MROH9: variants seen among roughly 807,000 people sequenced by gnomAD.
The protein encoded by MROH9 is maestro heat like repeat family member 9.
Under a neutral mutation model 98.2 loss-of-function variants are expected in MROH9, and 92 were observed. That is an observed-to-expected ratio of 0.94 (90% confidence interval 0.79 to 1.11). MROH9 has a LOEUF of 1.11. Ranked by LOEUF, MROH9 falls within the 50% of genes most tolerant of loss-of-function variation. The pLI is 0.00. For missense variants in MROH9, 1,057 were observed against 1,014.8 expected, an observed-to-expected ratio of 1.04 and a Z score of -0.57; for synonymous variants, 397 against 368.9, an observed-to-expected ratio of 1.08 and a Z score of -0.87.
rs13375330 is a variant in MROH9, at chr1:171,063,215, T to C, written c.2345-884T>C. Among the ~76,000 whole-genome samples, 756 of 151,846 alleles carry C rather than the reference T, an allele frequency of 5.0e-3. 6 individuals are homozygous for C. The highest frequency in any genetic ancestry group is 0.017 in the African/African-American group (712 of 41,414). On this transcript the variant is annotated intron_variant, in intron 21 of 21. Transcript: ENST00000367759. ...TTTCTCACAGTCCACTATCTGGATA[T>C]AATGATATTAACATTTTGGTATATG...
intron 5 of MROH9, among the ~76,000 whole-genome samples, chr1:170,960,023 G>T (rs1301407559): frequency 6.6e-6 from 1 of 152,196 alleles, no homozygotes; most frequent in South Asian, 2.1e-4. Flanking sequence ...GATATAAAGT[G>T]AGGTCTCAGC....
At chr1:171,021,478 T>G (rs1474924822) in intron 17 of MROH9, among the ~76,000 whole-genome samples, 1 of 152,130 alleles carries the variant, frequency 6.6e-6, no homozygotes, top group Non-Finnish European at 1.5e-5. Context: ...CATCTGATCT[T>G]CAACAATCCT....
At chr1:171,016,404 A>G in intron 17 of MROH9, 68 bp downstream of exon 17, 2 of 1,226,322 alleles carry the variant, frequency 1.6e-6, no homozygotes, top group Non-Finnish European at 2.1e-6. Flanking sequence ...AAGTTGAGGC[A>G]GTGATGTTAG....
At chr1:171,042,013 A>G (rs1389000532) in intron 20 of MROH9, among the ~76,000 whole-genome samples, 1 of 152,054 alleles carries the variant, frequency 6.6e-6, no homozygotes, top group Non-Finnish European at 1.5e-5. Context: ...ACACTATTTT[A>G]AAATGTGCAA....
At chr1:170,957,835 GTC>G (rs1649831743) in intron 3 of MROH9, among the ~76,000 whole-genome samples, 1 of 145,190 alleles carries the variant, frequency 6.9e-6, no homozygotes, top group Non-Finnish European at 1.5e-5. Context: ...TTGAGACAGA[GTC>G]TCTCTCTGTC....
intron 15 of MROH9, among the ~76,000 whole-genome samples, chr1:170,999,555 C>T (rs1010642187): frequency 3.3e-5 from 5 of 151,642 alleles, no homozygotes; most frequent in Non-Finnish European, 4.4e-5. Flanking sequence ...CACACACCAC[C>T]GTTTCTTTAT....
At chr1:171,052,506 C>T (rs898746091) in intron 20 of MROH9, among the ~76,000 whole-genome samples, 9 of 152,072 alleles carry the variant, frequency 5.9e-5, no homozygotes, top group Non-Finnish European at 7.4e-5. Flanking sequence ...CTCCAAATGC[C>T]GGGAGATATG....
intron 2 of MROH9, among the ~76,000 whole-genome samples, chr1:170,947,143 A>T (rs909683930): frequency 6.6e-6 from 1 of 151,964 alleles, no homozygotes; most frequent in Non-Finnish European, 1.5e-5. Flanking sequence ...CATTTTATTT[A>T]AAAATGTTAT....
Position 170,992,255 on chromosome 1 carries a change from C to G in MROH9, c.1120C>G (p.Pro374Ala), listed in dbSNP as rs866116077. The G allele has an allele frequency of 1.2e-6, 2 of 1,613,518 alleles. No individual in the cohort carries two copies. The change falls in exon 12 of 22, where the codon CCT becomes GCT. Residue 374 changes from proline (P) to alanine (A), a missense_variant. Pro to Ala is a conservative substitution (Grantham distance 27). Coordinates refer to ENST00000367759, the MANE Select transcript of MROH9 (RefSeq NM_001163629.2). Reference sequence around the variant, plus strand: ...AATCTTATTGATACTGAAAGGAAAGCCTGGGGAAATGGAGGACACCGTAAC... The same window carrying G: ...AATCTTATTGATACTGAAAGGAAAGGCTGGGGAAATGGAGGACACCGTAAC... ...KTILLILKGK[P>A]GEMEDTVTEG...
At chr1:171,000,433 G>A (rs4118356) in intron 15 of MROH9, among the ~76,000 whole-genome samples, 6,937 of 152,066 alleles carry the variant, frequency 0.046, 232 homozygotes, top group Non-Finnish European at 0.068. Flanking sequence ...ATTTTGCTGA[G>A]GGTTTTAATC....
intron 7 of MROH9, among the ~76,000 whole-genome samples, chr1:170,970,734 G>GAA (rs1650420557): frequency 8.8e-6 from 1 of 113,232 alleles, no homozygotes; most frequent in Admixed American, 8.4e-5. Flanking sequence ...GTGTGTGTGA[G>GAA]AGAGAGAGAG....
chr1:170,969,320 G>A (rs1423008303), intron 7 of MROH9, among the ~76,000 whole-genome samples: 1 of 152,024 alleles, frequency 6.6e-6, no homozygotes, highest in Non-Finnish European at 1.5e-5. Context: ...AAGAAGCCAG[G>A]CACAAAAGGC....
chr1:170,972,025 C>T (rs1571463203), intron 8 of MROH9, 142 bp downstream of exon 8: 2 of 936,660 alleles, frequency 2.1e-6, no homozygotes, highest in East Asian at 2.5e-5. Flanking sequence ...TAAAATGTGT[C>T]TTTTAATCTT....
At chr1:171,022,967 A>G (rs1257269572) in intron 17 of MROH9, among the ~76,000 whole-genome samples, 1 of 152,084 alleles carries the variant, frequency 6.6e-6, no homozygotes, top group Admixed American at 6.6e-5. Context: ...GCGCTCATAT[A>G]AAAAAAATCA....
intron 3 of MROH9, among the ~76,000 whole-genome samples, chr1:170,956,582 C>CTTT (rs869218785): frequency 7.4e-4 from 85 of 114,844 alleles, no homozygotes; most frequent in Middle Eastern, 5.0e-3. Flanking sequence ...TTTCTCTTTC[C>CTTT]TTTTTTTTTT....
chr1:171,015,025 G>A, intron 16 of MROH9: 1 of 471,824 alleles, frequency 2.1e-6, no homozygotes, highest in South Asian at 1.5e-5. Flanking sequence ...CTGAATTTAA[G>A]CACGTTCCAT....
intron 1 of MROH9, among the ~76,000 whole-genome samples, chr1:170,936,214 G>A (rs370333727): frequency 2.8e-4 from 42 of 152,132 alleles, no homozygotes; most frequent in African/African-American, 1.0e-3. Context: ...AATAATAGAA[G>A]CTAGGAAGTC....
At chr1:170,947,699 A>G (rs1384895796) in intron 3 of MROH9, 126 bp downstream of exon 3, 7 of 763,064 alleles carry the variant, frequency 9.2e-6, no homozygotes, top group South Asian at 5.9e-5. Flanking sequence ...GAGAAAGGGG[A>G]AAAAAAGGCA....
chr1:171,020,548 C>T (rs531466714), intron 17 of MROH9, among the ~76,000 whole-genome samples: 6 of 152,014 alleles, frequency 3.9e-5, no homozygotes, highest in East Asian at 1.9e-4. Context: ...AAAAGGCCTT[C>T]GATAAAATTC....
Sources: allele counts gnomAD v4.1 joint callset (sites outside exome capture counted in the v4.1 genomes callset), GRCh38; gene constraint gnomAD v4.1.1; transcripts MANE v1.5; gene names NCBI Gene and HGNC (gene_info 2026-07-23, HGNC 2026-07-21).